The following NCOA2 variants were observed in gnomAD, a reference collection of about 807,000 sequenced individuals.
The protein encoded by NCOA2 is class E basic helix-loop-helix protein 75.
Under a neutral mutation model 145.1 loss-of-function variants are expected in NCOA2, and 21 were observed. That is an observed-to-expected ratio of 0.14 (90% CI 0.10 to 0.21). NCOA2 has a LOEUF of 0.21. NCOA2 is among the 10% of genes least tolerant of loss of function. NCOA2 has a pLI of 1.00. For synonymous variants in NCOA2, 619 were observed against 637.5 expected (o/e 0.97, Z 0.44); for missense variants, 1,472 against 1,837.6 (o/e 0.80, Z 3.64).
At chr8:70,405,751 C>CT (rs560974462), upstream of NCOA2, among the ~76,000 whole-genome samples, 29 of 152,240 alleles carry the variant, frequency 1.9e-4, 1 homozygote, top group South Asian at 4.8e-3. Context: ...AGTCCAGAGT[C>CT]TATCAGTCCT....
intron 22 of NCOA2, among the ~76,000 whole-genome samples, chr8:70,113,909 G>C (rs1563466122): frequency 1.3e-5 from 2 of 152,142 alleles, no homozygotes; most frequent in Non-Finnish European, 2.9e-5. Context: ...AATGGATGAT[G>C]AATCTCTCCT....
At chr8:70,454,103 T>A in the NCOA2 span, among the ~76,000 whole-genome samples, 7 of 152,226 alleles carry the variant, frequency 4.6e-5, no homozygotes, top group Non-Finnish European at 1.0e-4. Context: ...ATAATTGTAA[T>A]CACATTTTAT....
chr8:70,405,511 G>A (rs1312545830), upstream of NCOA2, among the ~76,000 whole-genome samples: 1 of 127,744 alleles, frequency 7.8e-6, no homozygotes, highest in East Asian at 2.6e-4. Context: ...GCGTTGAGAG[G>A]AAATGGAGAG....
Position 70,166,551 on chromosome 8 carries a change from G to A in NCOA2, c.730+15C>T, listed in dbSNP as rs149482923. ...ATACACAGACACACAGAACACCCTAGGGATTCTGTCCCACCTTCTCCTTCT... is the reference window on the plus strand; with the variant it reads ...ATACACAGACACACAGAACACCCTAAGGATTCTGTCCCACCTTCTCCTTCT... On this transcript the variant is annotated intron_variant, in intron 7 of 22. Coordinates refer to ENST00000452400, the MANE Select transcript of NCOA2 (RefSeq NM_006540.4). 29 of 1,613,554 alleles carry A rather than the reference G, an allele frequency of 1.8e-5. No individual in the cohort carries two copies. In the African/African-American group the frequency reaches 3.5e-4, roughly 19 times the overall value.
Position 70,156,575 on chromosome 8 carries a change from G to C in NCOA2, c.1790C>G (p.Thr597Ser). 6.2e-7 allele frequency: 1 copy of C among 1,613,920 alleles called. No individual in the cohort carries two copies. The highest frequency in any genetic ancestry group is 1.1e-5 in the South Asian group (1 of 91,074). Residue 597 changes from threonine to serine, a missense_variant, in exon 11 of 23, where the codon ACT (threonine) becomes AGT (serine). Transcript: ENST00000452400. ...ATGGCAGCTGCTCTCTGCTTGTCCAGTTGTACCTTCAGAGGGCTCCCCATA... is the reference window on the plus strand; with the variant it reads ...ATGGCAGCTGCTCTCTGCTTGTCCACTTGTACCTTCAGAGGGCTCCCCATA... ...GLYGEPSEGT[T>S]GQAESSCHPG...
chr8:70,455,441 G>A, the NCOA2 span, among the ~76,000 whole-genome samples: 1 of 152,030 alleles, frequency 6.6e-6, no homozygotes, highest in Non-Finnish European at 1.5e-5. Flanking sequence ...TTTCTTTTTC[G>A]GTTCTGTTTA....
the NCOA2 span, among the ~76,000 whole-genome samples, chr8:70,435,267 T>C: frequency 6.8e-6 from 1 of 148,110 alleles, no homozygotes; most frequent in Admixed American, 6.7e-5. Context: ...CTACTAAAAA[T>C]ACAAAAAATT....
At chr8:70,203,938 T>C (rs940241415) in intron 4 of NCOA2, among the ~76,000 whole-genome samples, 11 of 152,204 alleles carry the variant, frequency 7.2e-5, no homozygotes, top group Admixed American at 7.2e-4. Flanking sequence ...AATATGTCTA[T>C]TTAAAACATT....
chr8:70,250,637 C>A (rs562696620), intron 2 of NCOA2, among the ~76,000 whole-genome samples: 1 of 152,194 alleles, frequency 6.6e-6, no homozygotes, highest in South Asian at 2.1e-4. Flanking sequence ...GTTTACTATA[C>A]TATTCTAAAT....
intron 1 of NCOA2, among the ~76,000 whole-genome samples, chr8:70,314,180 CAAAAAAAAA>C (rs61028027): frequency 7.0e-4 from 12 of 17,200 alleles, no homozygotes; most frequent in Non-Finnish European, 1.2e-3. Context: ...ACTCTGACTC[CAAAAAAAAA>C]AAAAAAAAAA....
chr8:70,307,768 CAG>C (rs1327187119), intron 1 of NCOA2, among the ~76,000 whole-genome samples: 1 of 152,218 alleles, frequency 6.6e-6, no homozygotes, highest in Non-Finnish European at 1.5e-5. Flanking sequence ...CTGAGCTCAG[CAG>C]ATTATACACA....
intron 1 of NCOA2, among the ~76,000 whole-genome samples, chr8:70,315,717 A>G (rs1805530700): frequency 6.6e-6 from 1 of 152,226 alleles, no homozygotes; most frequent in South Asian, 2.1e-4. Context: ...ACCAGACTGC[A>G]GGAGGCAGGA....
At chr8:70,327,345 T>A (rs1246075649) in intron 1 of NCOA2, among the ~76,000 whole-genome samples, 1 of 152,210 alleles carries the variant, frequency 6.6e-6, no homozygotes. Flanking sequence ...CATAAATGCA[T>A]GCCTACATTT....
chr8:70,390,206 G>C (rs1458446203), intron 1 of NCOA2, among the ~76,000 whole-genome samples: 2 of 152,182 alleles, frequency 1.3e-5, no homozygotes, highest in Non-Finnish European at 2.9e-5. Context: ...GGGGTTGGGA[G>C]ATGTTGTCTA....
the NCOA2 span, among the ~76,000 whole-genome samples, chr8:70,447,429 G>A: frequency 0.18 from 27,093 of 152,042 alleles, 2,963 homozygotes; most frequent in Admixed American, 0.34. Context: ...AATTTAGAAA[G>A]CAGTAGGGAT....
chr8:70,410,030 T>G, the NCOA2 span, among the ~76,000 whole-genome samples: 1 of 152,028 alleles, frequency 6.6e-6, no homozygotes, highest in African/African-American at 2.4e-5. Flanking sequence ...GCCAACATGA[T>G]GAAATCCCGT....
At chr8:70,358,754 A>C (rs1289005886) in intron 1 of NCOA2, among the ~76,000 whole-genome samples, 1 of 152,238 alleles carries the variant, frequency 6.6e-6, no homozygotes. Context: ...ATCAAAATTT[A>C]AAGTGTGTGT....
intron 1 of NCOA2, among the ~76,000 whole-genome samples, chr8:70,306,063 T>C (rs1226976410): frequency 6.6e-6 from 1 of 152,176 alleles, no homozygotes; most frequent in African/African-American, 2.4e-5. Flanking sequence ...CCTAAAAAAC[T>C]AAAAATGGGA....
At chr8:70,357,293 C>T (rs1809789336) in intron 1 of NCOA2, 1 of 151,822 alleles carries the variant, frequency 6.6e-6, no homozygotes, top group East Asian at 1.9e-4. Context: ...ATATACCTAG[C>T]TGAAGAGGCA....
Sources: allele counts gnomAD v4.1 joint callset (sites outside exome capture counted in the v4.1 genomes callset), GRCh38; gene constraint gnomAD v4.1.1; transcripts MANE v1.5; gene names NCBI Gene and HGNC (gene_info 2026-07-23, HGNC 2026-07-21).